XRCC5: variants seen among roughly 807,000 people sequenced by gnomAD.
XRCC5 encodes the protein DNA repair protein Ku80.
Under a neutral mutation model 95.7 loss-of-function variants are expected in XRCC5, and 12 were observed. The observed-to-expected ratio is 0.13, with a 90% CI of 0.08 to 0.20. The LOEUF is 0.20. Among genes scored for constraint, XRCC5 ranks in the 10% least tolerant of loss-of-function variants. The pLI is 1.00. For missense variants in XRCC5, 595 were observed against 873.9 expected (o/e 0.68, Z 4.02); for synonymous variants, 281 against 290.3 (o/e 0.97, Z 0.33).
chr2:216,188,570 C>T (rs577974899), intron 16 of XRCC5, among the ~76,000 whole-genome samples: 1 of 152,198 alleles, frequency 6.6e-6, no homozygotes, highest in Non-Finnish European at 1.5e-5. Flanking sequence ...TGCCCTTGGC[C>T]TGTAAAGGTT....
At chr2:216,197,108 G>C (rs2106051593) in intron 19 of XRCC5, among the ~76,000 whole-genome samples, 1 of 152,232 alleles carries the variant, frequency 6.6e-6, no homozygotes, top group African/African-American at 2.4e-5. Flanking sequence ...TATTAGACAG[G>C]AAAGAAATCT....
chr2:216,122,902 C>T (rs1399749791), intron 6 of XRCC5, among the ~76,000 whole-genome samples: 1 of 152,176 alleles, frequency 6.6e-6, no homozygotes, highest in Non-Finnish European at 1.5e-5. Flanking sequence ...CAGCTAGAGA[C>T]TATGGAAGAG....
intron 16 of XRCC5, among the ~76,000 whole-genome samples, chr2:216,189,509 C>T (rs1444728508): frequency 6.6e-6 from 1 of 152,152 alleles, no homozygotes; most frequent in Non-Finnish European, 1.5e-5. Flanking sequence ...AAGGTGTAAT[C>T]TACTTTGGAA....
At chr2:216,146,242 G>A (rs577326013) in intron 13 of XRCC5, among the ~76,000 whole-genome samples, 1 of 152,322 alleles carries the variant, frequency 6.6e-6, no homozygotes, top group African/African-American at 2.4e-5. Context: ...AGGGAGAAGC[G>A]CATGGAATTT....
intron 17 of XRCC5, 21 bp downstream of exon 17, chr2:216,190,355 CTT>C: frequency 6.2e-7 from 1 of 1,600,842 alleles, no homozygotes; most frequent in Non-Finnish European, 8.6e-7. Context: ...CCTAGCATCT[CTT>C]TTCTTCCTAA....
At chr2:216,170,953 T>C (rs1411873397) in intron 16 of XRCC5, among the ~76,000 whole-genome samples, 3 of 152,230 alleles carry the variant, frequency 2.0e-5, no homozygotes, top group Non-Finnish European at 4.4e-5. Context: ...TCTCCTTGAA[T>C]TGGGCTGTCT....
chr2:216,116,149 C>G (rs1320036575), intron 2 of XRCC5, among the ~76,000 whole-genome samples: 5 of 152,048 alleles, frequency 3.3e-5, no homozygotes. Context: ...TGATAGTTTG[C>G]TTCCAGTTTT....
intron 16 of XRCC5, among the ~76,000 whole-genome samples, chr2:216,183,207 C>T (rs1308175292): frequency 6.6e-6 from 1 of 152,080 alleles, no homozygotes; most frequent in Non-Finnish European, 1.5e-5. Context: ...TCACAGCTAG[C>T]TCAAATAAAA....
chr2:216,197,995 A>G lies in XRCC5; in HGVS notation c.2109+3009A>G, dbSNP rs570305826. On this transcript the variant is annotated intron_variant, in intron 19 of 20. Transcript: ENST00000392132. ...AGTAGTAGAATTTTACTTGTATCCA[A>G]CTCCCGAACCAAAGAGCCCAGTATT... 1.4e-4 allele frequency among the ~76,000 whole-genome samples: 22 copies of G among 152,222 alleles called. No individual in the cohort carries two copies. In the Middle Eastern group the frequency reaches 0.01, roughly 71 times the overall value.
At chr2:216,131,918 C>G (rs1312964011) in intron 9 of XRCC5, among the ~76,000 whole-genome samples, 1 of 152,148 alleles carries the variant, frequency 6.6e-6, no homozygotes, top group Admixed American at 6.6e-5. Context: ...CTCTTAGTTC[C>G]TATTTGTCCT....
At chr2:216,132,766 A>G (rs1252454208) in intron 10 of XRCC5, among the ~76,000 whole-genome samples, 1 of 152,006 alleles carries the variant, frequency 6.6e-6, no homozygotes, top group Non-Finnish European at 1.5e-5. Context: ...TCTTTTCTCT[A>G]TTCCTCTCTC....
intron 10 of XRCC5, among the ~76,000 whole-genome samples, chr2:216,134,007 C>G (rs1697032021): frequency 6.6e-6 from 1 of 152,142 alleles, no homozygotes. Flanking sequence ...CTGGAAACAG[C>G]AGGTGGTGCT....
intron 18 of XRCC5, among the ~76,000 whole-genome samples, chr2:216,194,213 TAATG>T (rs1444591962): frequency 6.6e-6 from 1 of 152,248 alleles, no homozygotes; most frequent in Non-Finnish European, 1.5e-5. Context: ...AAATGACACA[TAATG>T]AAACCATTTT....
intron 15 of XRCC5, among the ~76,000 whole-genome samples, chr2:216,160,960 C>G (rs1006971056): frequency 6.6e-6 from 1 of 152,046 alleles, no homozygotes; most frequent in Admixed American, 6.6e-5. Context: ...TCCCGAAGCA[C>G]TGGGATTATA....
chr2:216,204,062 A>G (rs1317036838), intron 19 of XRCC5: 2 of 475,770 alleles, frequency 4.2e-6, no homozygotes, highest in Non-Finnish European at 3.9e-6. Flanking sequence ...TGTCTCGACA[A>G]GCCATGTTCT....
intron 17 of XRCC5, 30 bp from the exon 18 acceptor site, chr2:216,192,609 T>G: frequency 1.3e-5 from 20 of 1,530,942 alleles, no homozygotes; most frequent in Non-Finnish European, 1.7e-5. Context: ...TCTGACTTGC[T>G]GCCTCCTCTA....
At chr2:216,125,747 C>T (rs1696890721) in intron 6 of XRCC5, among the ~76,000 whole-genome samples, 170 bp from the exon 7 acceptor site, 1 of 152,204 alleles carries the variant, frequency 6.6e-6, no homozygotes, top group African/African-American at 2.4e-5. Flanking sequence ...CTCACTCTTG[C>T]CCTGGCTATA....
Position 216,206,128 on chromosome 2 carries a change from CTCTT to C in XRCC5, c.*928_*931del, listed in dbSNP as rs1689939371. The C allele has an allele frequency of 6.6e-6, 1 of 152,162 alleles. No homozygotes were observed. Among genetic ancestry groups the C allele is most frequent in the African/African-American group, 2.4e-5 (1 of 41,422 alleles). 9.4% of individuals were successfully genotyped at this position (152,162 alleles called of 1,614,324 possible). On this transcript the variant is annotated 3_prime_UTR_variant, in exon 21 of 21. Coordinates refer to ENST00000392132, the MANE Select transcript of XRCC5 (RefSeq NM_021141.4). ...ATAAGAAAATAACAAAGCCCTTATT[CTCTT>C]TTTTTCTTGTCCTCATTCTTGCCTT...
intron 16 of XRCC5, among the ~76,000 whole-genome samples, chr2:216,165,414 C>G (rs1689037498): frequency 6.6e-6 from 1 of 152,222 alleles, no homozygotes; most frequent in Admixed American, 6.5e-5. Flanking sequence ...CTCCACAGAG[C>G]TGTCGGAAAA....
Sources: gnomAD v4.1 joint callset for allele counts (sites outside exome capture counted in the v4.1 genomes callset) on GRCh38, gnomAD v4.1.1 for gene constraint, MANE v1.5 for transcripts, NCBI Gene and HGNC (gene_info 2026-07-23, HGNC 2026-07-21) for gene names.